Variants in CELF2 observed in about 807,000 individuals in gnomAD.
The protein encoded by CELF2 is CUG triplet repeat RNA-binding protein 2.
In CELF2, 8 loss-of-function variants were observed where a neutral mutation model predicts 62.6. The observed-to-expected ratio is 0.13, with a 90% CI of 0.07 to 0.23. CELF2 has a LOEUF of 0.23. CELF2 is among the 10% of genes least tolerant of loss of function. The probability of loss-of-function intolerance (pLI) is 1.00; values close to 1 mark genes in which losing one functional copy is unlikely to be tolerated. For missense variants in CELF2, 333 were observed against 671.0 expected (o/e 0.50, Z 5.56); for synonymous variants, 258 against 250.0 (o/e 1.03, Z -0.30).
the CELF2 span, among the ~76,000 whole-genome samples, chr10:10,790,178 ATT>A: frequency 3.3e-5 from 5 of 152,004 alleles, no homozygotes; most frequent in Non-Finnish European, 5.9e-5. Context: ...AATTATTCCA[ATT>A]TCTCTGTTAG....
rs2053294796 is a variant in CELF2, at chr10:10,990,409, G to C, written c.89+70410G>C. ...TTGTATCTAGTGAGATTGAGGTGTA[G>C]ATAATTTTTCTTCTTTATACTTATC... On this transcript the variant is annotated intron_variant, in intron 2 of 13. Transcript: ENST00000636488. This position sits in a 1 kb window ranked among gnomAD's most constrained non-coding sequence, Gnocchi z 4.6. Among the ~76,000 whole-genome samples, 1 of 152,040 alleles carries C rather than the reference G, an allele frequency of 6.6e-6. No individual in the cohort carries two copies. Among genetic ancestry groups the C allele is most frequent in the Admixed American group, 6.6e-5 (1 of 15,244 alleles).
chr10:10,895,436 C>T (rs1423958797), intron 1 of CELF2, among the ~76,000 whole-genome samples: 1 of 152,108 alleles, frequency 6.6e-6, no homozygotes, highest in African/African-American at 2.4e-5. Context: ...GCCGTTTTCA[C>T]CTTGTTGCTC....
chr10:11,032,146 C>CAAAAAAAAAAAAAAAAAAAAAAAAAAA (rs56364371), intron 1 of CELF2, among the ~76,000 whole-genome samples: 2 of 86,394 alleles, frequency 2.3e-5, no homozygotes, highest in Non-Finnish European at 5.2e-5. Context: ...AGGGCTTAGC[C>CAAAAAAAAAAAAAAAAAAAAAAAAAAA]AAAAAAAAAA....
At chr10:10,916,051 G>A (rs965787374) in intron 1 of CELF2, among the ~76,000 whole-genome samples, 1 of 152,194 alleles carries the variant, frequency 6.6e-6, no homozygotes, top group African/African-American at 2.4e-5. Flanking sequence ...CACCTCAGGT[G>A]GGTTATGACA....
In CELF2 at chr10:11,296,872, T is replaced by G. The variant is rs905284278; in HGVS notation, c.976+8320T>G. 6.6e-6 allele frequency among the ~76,000 whole-genome samples: 1 copy of G among 152,176 alleles called. No individual in the cohort carries two copies. The highest frequency in any genetic ancestry group is 2.4e-5 in the African/African-American group (1 of 41,430). On this transcript the variant is annotated intron_variant, in intron 9 of 12. Transcript: ENST00000633077. The surrounding 1 kb of genome is among the most constrained non-coding windows in gnomAD (Gnocchi z 5.0). ...AGCAGAATGGAAGATACATCAAATG[T>G]GGGAAAATGCAGAAATAGCATTTAA... is the stretch of plus-strand genomic sequence containing the variant.
chr10:10,820,797 C>G (rs1050438724), intron 1 of CELF2, among the ~76,000 whole-genome samples: 1 of 152,204 alleles, frequency 6.6e-6, no homozygotes, highest in African/African-American at 2.4e-5. Context: ...ATTTTGTTCT[C>G]TCATTGTAAG....
intron 1 of CELF2, among the ~76,000 whole-genome samples, chr10:11,119,864 T>TCTCCCCCCCC (rs1399108400): frequency 3.3e-4 from 37 of 112,154 alleles, no homozygotes; most frequent in Non-Finnish European, 4.8e-4. Flanking sequence ...TGATTCCGCC[T>TCTCCCCCCCC]CCCCCCCCCC....
chr10:10,747,687 C>G, the CELF2 span, among the ~76,000 whole-genome samples: 5 of 152,070 alleles, frequency 3.3e-5, no homozygotes, highest in African/African-American at 1.2e-4. Context: ...ATAAGCCATG[C>G]TAAAGAGTCT....
chr10:10,649,901 C>A, the CELF2 span, among the ~76,000 whole-genome samples: 1 of 152,168 alleles, frequency 6.6e-6, no homozygotes, highest in African/African-American at 2.4e-5. Flanking sequence ...CTCACTTCTG[C>A]CACCTTCACA....
chr10:11,094,025 C>G (rs1373604096), intron 1 of CELF2, among the ~76,000 whole-genome samples: 1 of 152,078 alleles, frequency 6.6e-6, no homozygotes, highest in Non-Finnish European at 1.5e-5. Context: ...ACACAACAGT[C>G]GATATGAGTT....
rs948744465 is a variant in CELF2, at chr10:11,335,752, A to C, written c.*6699A>C. 5.3e-5 allele frequency: 8 copies of C among 152,118 alleles called. No homozygotes were observed. The highest frequency in any genetic ancestry group is 1.9e-4 in the African/African-American group (8 of 41,408). 9.4% of individuals were successfully genotyped at this position (152,118 alleles called of 1,614,324 possible). On this transcript the variant is annotated 3_prime_UTR_variant, in exon 13 of 13. Transcript: ENST00000633077. This position sits in a 1 kb window ranked among gnomAD's most constrained non-coding sequence, Gnocchi z 5.0. ...TGTTGGGAGGCATGGGGGGTGATTAAATTATCATTTCCAAGGTGCAAGTGT... is the reference window on the plus strand; with the variant it reads ...TGTTGGGAGGCATGGGGGGTGATTACATTATCATTTCCAAGGTGCAAGTGT...
chr10:11,210,443 C>A (rs971371914), intron 2 of CELF2, among the ~76,000 whole-genome samples: 1 of 152,194 alleles, frequency 6.6e-6, no homozygotes, highest in African/African-American at 2.4e-5. Context: ...TTTATTTGAC[C>A]AGCTTTGCCG....
At chr10:11,102,368 C>G (rs1039568336) in intron 1 of CELF2, among the ~76,000 whole-genome samples, 2 of 152,220 alleles carry the variant, frequency 1.3e-5, no homozygotes, top group South Asian at 4.1e-4. Context: ...ATTTAAACAT[C>G]TAAGCAATTC....
intron 2 of CELF2, among the ~76,000 whole-genome samples, chr10:10,988,277 G>GTATATA (rs547530670): frequency 6.8e-6 from 1 of 148,110 alleles, no homozygotes; most frequent in Non-Finnish European, 1.5e-5. Context: ...ATGTGTGTGT[G>GTATATA]TATATATATA....
intron 5 of CELF2, among the ~76,000 whole-genome samples, chr10:11,265,205 T>C (rs542922101): frequency 7.9e-5 from 12 of 152,366 alleles, no homozygotes; most frequent in Non-Finnish European, 1.5e-4. Flanking sequence ...GCTGGTTGTT[T>C]GAATGCAGAA....
intron 5 of CELF2, among the ~76,000 whole-genome samples, chr10:11,262,098 T>G (rs965563426): frequency 1.3e-5 from 2 of 152,220 alleles, no homozygotes; most frequent in Non-Finnish European, 2.9e-5. Flanking sequence ...AACTTTCTGC[T>G]TGTTTAAGAA....
At chr10:11,216,172 A>G (rs1421345438) in intron 2 of CELF2, among the ~76,000 whole-genome samples, 3 of 152,202 alleles carry the variant, frequency 2.0e-5, no homozygotes, top group African/African-American at 7.2e-5. Context: ...CCAAAAGGCA[A>G]AGGTTTTGTA....
chr10:10,526,901 G>T, the CELF2 span, among the ~76,000 whole-genome samples: 84 of 152,314 alleles, frequency 5.5e-4, 1 homozygote, highest in South Asian at 3.7e-3. Flanking sequence ...AAGCAAAGAA[G>T]GAAGTCCTAC....
At chr10:10,782,864 G>A in the CELF2 span, among the ~76,000 whole-genome samples, 3 of 152,176 alleles carry the variant, frequency 2.0e-5, no homozygotes, top group Non-Finnish European at 4.4e-5. Flanking sequence ...TATTTGGGGA[G>A]AGCAGTAAAC....
Sources: allele counts gnomAD v4.1 joint callset (sites outside exome capture counted in the v4.1 genomes callset), GRCh38; gene constraint gnomAD v4.1.1; non-coding constraint Gnocchi (gnomAD v3.1); transcripts MANE v1.5; gene names NCBI Gene and HGNC (gene_info 2026-07-23, HGNC 2026-07-21).